KNG1: variants seen among roughly 807,000 people sequenced by gnomAD.
The protein encoded by KNG1 is kininogen-1.
A neutral mutation model predicts 47.8 loss-of-function variants in KNG1; 23 were observed. That is an observed-to-expected ratio of 0.48 (90% confidence interval 0.35 to 0.68). KNG1 has a LOEUF of 0.68. Ranked by LOEUF, KNG1 falls within the 30% of genes least tolerant of loss-of-function variation. The pLI, the probability that KNG1 is intolerant of heterozygous loss-of-function variation, is 0.01. For synonymous variants in KNG1, 277 were observed against 277.0 expected, an observed-to-expected ratio of 1.00 and a Z score of 0.00; for missense variants, 762 against 790.2, an observed-to-expected ratio of 0.96 and a Z score of 0.43.
At chr3:186,733,946 C>T (rs1289733201) in intron 7 of KNG1, among the ~76,000 whole-genome samples, 1 of 152,082 alleles carries the variant, frequency 6.6e-6, no homozygotes, top group Non-Finnish European at 1.5e-5. Context: ...CCAGCCTGGG[C>T]AACAAGAGCA....
chr3:186,732,480 A>T (rs1720560450), intron 6 of KNG1, 22 bp from the exon 7 acceptor site: 2 of 1,613,320 alleles, frequency 1.2e-6, no homozygotes, highest in Non-Finnish European at 1.7e-6. Flanking sequence ...GTACATGTTG[A>T]CTTAAAACCT....
chr3:186,720,446 TCTAGTGTCCAG>T (rs1720157410), intron 2 of KNG1: 1 of 556,658 alleles, frequency 1.8e-6, no homozygotes, highest in Admixed American at 3.1e-5. Flanking sequence ...AGAAGGGGGC[TCTAGTGTCCAG>T]CCAGAACATG....
chr3:186,719,854 T>A (rs931861240), intron 1 of KNG1, among the ~76,000 whole-genome samples: 1 of 152,220 alleles, frequency 6.6e-6, no homozygotes, highest in Non-Finnish European at 1.5e-5. Flanking sequence ...GACATAGATT[T>A]ATATATAAAC....
At position 186,742,741 on chromosome 3, in the gene KNG1, G is replaced by A. The variant is rs149197639; in HGVS notation, c.*410G>A. 3.5e-5 allele frequency: 36 copies of A among 1,034,286 alleles called. No homozygotes were observed. Among genetic ancestry groups the A allele is most frequent in the Non-Finnish European group, 4.2e-5 (36 of 860,370 alleles). 64.1% of individuals were successfully genotyped at this position (1,034,286 alleles called of 1,614,324 possible). A position where few individuals can be genotyped will look rare whatever the true frequency, so the allele number is the denominator to read the frequency against. ...TGTGTGAAAATAAGGGAAGTCAAGA[G>A]ATTAAATGCTGAACTTATTAATGGA... On this transcript the variant is annotated 3_prime_UTR_variant, in exon 10 of 10. Transcript: ENST00000644859.
intron 2 of KNG1, 45 bp downstream of exon 2, chr3:186,720,260 C>T: frequency 1.6e-6 from 2 of 1,276,284 alleles, no homozygotes; most frequent in Non-Finnish European, 2.3e-6. Flanking sequence ...TCTCCGTTGA[C>T]CCTGCCAGAT....
Position 186,720,202 on chromosome 3 carries a change from A to T in KNG1, c.293A>T (p.Asp98Val), listed in dbSNP as rs747552358. ...GKTWQDCEYKDAAKAATGECT... is the reference protein window; with the variant it reads ...GKTWQDCEYKVAAKAATGECT... ...ACCTGGCAGGACTGTGAGTACAAGG[A>T]TGCTGCAAAAGCAGTAAGTGTATTG... is the stretch of plus-strand genomic sequence containing the variant. Residue 98 changes from aspartate to valine, a missense_variant, in exon 2 of 10, where the codon GAT becomes GTT. Transcript: ENST00000644859. 1.9e-6 allele frequency: 3 copies of T among 1,609,592 alleles called. No homozygotes were observed. The highest frequency in any genetic ancestry group is 2.2e-5 in the East Asian group (1 of 44,870).
At position 186,724,176 on chromosome 3, in the gene KNG1, G is replaced by A. The variant is rs996821334; in HGVS notation, c.392-912G>A. Among the ~76,000 whole-genome samples the A allele has an allele frequency of 3.9e-5, 6 of 152,126 alleles. No homozygotes were observed. In the South Asian group the frequency reaches 1.2e-3, roughly 32 times the overall value. On this transcript the variant is annotated intron_variant, in intron 3 of 9. Coordinates refer to ENST00000644859, the MANE Select transcript of KNG1 (RefSeq NM_001102416.3). ...CTCCGCACTATTTTCCATAGTGGTTGCACTAATTTACATTCTTACCAACAG... is the reference window on the plus strand; with the variant it reads ...CTCCGCACTATTTTCCATAGTGGTTACACTAATTTACATTCTTACCAACAG...
At position 186,737,537 on chromosome 3, in the gene KNG1, G is replaced by GT. The variant is rs547800595; in HGVS notation, c.931-1556dup. Among the ~76,000 whole-genome samples, 278 of 151,954 alleles carry GT rather than the reference G, an allele frequency of 1.8e-3. 1 individual carries two copies. Among genetic ancestry groups the GT allele is most frequent in the African/African-American group, 6.3e-3 (260 of 41,466 alleles). ...TGAATATTTATTTATTTGTTTAGTT[G>GT]TTTTTTGTTTGTTTGTTTTTGTTTT... On this transcript the variant is annotated intron_variant, in intron 7 of 9. Coordinates refer to ENST00000644859, the MANE Select transcript of KNG1 (RefSeq NM_001102416.3).
At chr3:186,722,704 A>T (rs1720241546) in intron 3 of KNG1, among the ~76,000 whole-genome samples, 183 bp downstream of exon 3, 1 of 152,198 alleles carries the variant, frequency 6.6e-6, no homozygotes, top group Admixed American at 6.5e-5. Flanking sequence ...TGTGACCATC[A>T]TCCCCTTAGG....
intron 7 of KNG1, among the ~76,000 whole-genome samples, chr3:186,735,547 G>A (rs1720651048): frequency 6.6e-6 from 1 of 152,070 alleles, no homozygotes; most frequent in Non-Finnish European, 1.5e-5. Context: ...AAACTCGGGA[G>A]GCGGAGGTTG....
Position 186,743,764 on chromosome 3 carries a change from A to G in KNG1, c.*1433A>G, listed in dbSNP as rs201614575. On this transcript the variant is annotated 3_prime_UTR_variant, in exon 10 of 10. Coordinates refer to ENST00000644859, the MANE Select transcript of KNG1 (RefSeq NM_001102416.3). ...CCCCAAAGGCAGGGGCAGAGCCAGC[A>G]TCTGAGAGGGAGGTCTCTTGACCAA... 1.2e-4 allele frequency: 200 copies of G among 1,614,112 alleles called. No homozygotes were observed. The East Asian group carries it at 4.3e-3, about 35-fold the overall frequency.
chr3:186,720,784 C>CTTTTTTTTTTTTTTT (rs1167537831), intron 2 of KNG1, among the ~76,000 whole-genome samples: 2 of 89,778 alleles, frequency 2.2e-5, no homozygotes, highest in Non-Finnish European at 4.1e-5. Context: ...TGTTGTTTTG[C>CTTTTTTTTTTTTTTT]TTTTTTTTTT....
chr3:186,740,696 T>C (rs1348844896), intron 9 of KNG1, among the ~76,000 whole-genome samples: 1 of 152,232 alleles, frequency 6.6e-6, no homozygotes, highest in Admixed American at 6.5e-5. Flanking sequence ...TCAGGTTGCA[T>C]TTCAAGCTTG....
At position 186,742,461 on chromosome 3, in the gene KNG1, G is replaced by C; in HGVS notation, c.*130G>C. 1 of 1,506,176 alleles carries C rather than the reference G, an allele frequency of 6.6e-7. No homozygotes were observed. The highest frequency in any genetic ancestry group is 1.3e-5 in the South Asian group (1 of 78,162). The allele number at this position is 1,506,176 out of a possible 1,614,324, so 93.3% of individuals were successfully genotyped here. A position where few individuals can be genotyped will look rare whatever the true frequency, so the allele number is the denominator to read the frequency against. Reference sequence around the variant, plus strand: ...CAGCTTCGGAACAGTCTAAAGAGAAGTGGTGAGACTCCCAGTGGAGACACC... The same window carrying C: ...CAGCTTCGGAACAGTCTAAAGAGAACTGGTGAGACTCCCAGTGGAGACACC... On this transcript the variant is annotated 3_prime_UTR_variant, in exon 10 of 10. Coordinates refer to ENST00000644859, the MANE Select transcript of KNG1 (RefSeq NM_001102416.3).
intron 9 of KNG1, among the ~76,000 whole-genome samples, chr3:186,740,521 C>A (rs1326475167): frequency 2.0e-5 from 3 of 152,228 alleles, no homozygotes; most frequent in Non-Finnish European, 4.4e-5. Flanking sequence ...TTCTTTGCAT[C>A]ACCAGACACT....
At chr3:186,719,602 G>A (rs1307168002) in intron 1 of KNG1, among the ~76,000 whole-genome samples, 4 of 151,976 alleles carry the variant, frequency 2.6e-5, no homozygotes, top group African/African-American at 9.7e-5. Context: ...GGTGGAGGGC[G>A]CCTGTAGTCC....
intron 1 of KNG1, among the ~76,000 whole-genome samples, chr3:186,719,425 T>C (rs1560060115): frequency 6.6e-6 from 1 of 152,180 alleles, no homozygotes; most frequent in East Asian, 1.9e-4. Context: ...ATACGTTCAT[T>C]AGGGGAAAAA....
Position 186,741,836 on chromosome 3 carries a change from T to C in KNG1, c.1440T>C (p.Asp480=). 6.2e-7 allele frequency: 1 copy of C among 1,613,662 alleles called. No individual in the cohort carries two copies. The highest frequency in any genetic ancestry group is 8.5e-7 in the Non-Finnish European group (1 of 1,179,746). The change falls in exon 10 of 10, where the codon GAT becomes GAC. Residue 480 remains aspartate, a synonymous_variant. Coordinates refer to ENST00000644859, the MANE Select transcript of KNG1 (RefSeq NM_001102416.3). ...GLGHGHKFKL[D]DDLEHQGGHV... is the part of the protein sequence containing the mutation. ...GTCATGGACATAAGTTCAAACTTGA[T>C]GATGATCTTGAACACCAAGGGGGCC...
chr3:186,725,357 G>A, intron 4 of KNG1, 97 bp downstream of exon 4: 2 of 1,217,664 alleles, frequency 1.6e-6, no homozygotes, highest in Non-Finnish European at 1.2e-6. Flanking sequence ...GTGTTTTCAT[G>A]TGACTAGCAC....
Sources: gnomAD v4.1 joint callset for allele counts (sites outside exome capture counted in the v4.1 genomes callset) on GRCh38, gnomAD v4.1.1 for gene constraint, MANE v1.5 for transcripts, NCBI Gene and HGNC (gene_info 2026-07-23, HGNC 2026-07-21) for gene names.